Variants in CDH10 observed in about 807,000 individuals in gnomAD.
CDH10 encodes cadherin-10.
In CDH10, 30 loss-of-function variants were observed where a neutral mutation model predicts 73.1. That is an observed-to-expected ratio of 0.41 (90% CI 0.31 to 0.56). The LOEUF is 0.56. Among genes scored for constraint, CDH10 ranks in the 20% least tolerant of loss-of-function variants. The pLI is 0.27. For synonymous variants in CDH10, 345 were observed against 348.2 expected (o/e 0.99, Z 0.10); for missense variants, 815 against 973.7 (o/e 0.84, Z 2.17).
chr5:24,496,805 G>A (rs576460873), intron 9 of CDH10, among the ~76,000 whole-genome samples: 2 of 152,228 alleles, frequency 1.3e-5, no homozygotes, highest in South Asian at 4.1e-4. Flanking sequence ...TTACCACTTT[G>A]ATTTTGCCTG....
chr5:24,597,249 A>G (rs1579456799), intron 1 of CDH10, among the ~76,000 whole-genome samples: 1 of 152,012 alleles, frequency 6.6e-6, no homozygotes, highest in African/African-American at 2.4e-5. Flanking sequence ...TTAGATATCT[A>G]TGTTCTCATT....
At chr5:24,610,787 G>C (rs1746916134) in intron 1 of CDH10, among the ~76,000 whole-genome samples, 1 of 152,138 alleles carries the variant, frequency 6.6e-6, no homozygotes, top group South Asian at 2.1e-4. Context: ...GAAGAAGTTA[G>C]AAAAATGTAA....
At chr5:24,602,765 C>T (rs185920489) in intron 1 of CDH10, among the ~76,000 whole-genome samples, 41 of 152,102 alleles carry the variant, frequency 2.7e-4, no homozygotes, top group Admixed American at 2.6e-4. Context: ...GTAGTAGATG[C>T]TAGAGATAAG....
intron 11 of CDH10, among the ~76,000 whole-genome samples, chr5:24,491,302 C>G (rs539515305): frequency 2.6e-5 from 4 of 152,228 alleles, no homozygotes; most frequent in African/African-American, 9.6e-5. Context: ...TGGTGAAAGA[C>G]AGTTGTTGTT....
At chr5:24,563,193 T>A (rs10075038) in intron 2 of CDH10, among the ~76,000 whole-genome samples, 1 of 151,978 alleles carries the variant, frequency 6.6e-6, no homozygotes, top group African/African-American at 2.4e-5. Context: ...AAGATTTAGG[T>A]GACTGCAATA....
chr5:24,643,237 T>C (rs528066793), intron 1 of CDH10, among the ~76,000 whole-genome samples: 124 of 152,260 alleles, frequency 8.1e-4, no homozygotes, highest in Non-Finnish European at 1.5e-3. Context: ...TTCTAGGACA[T>C]AACCTCTTTC....
At chr5:24,571,406 T>C (rs916030894) in intron 2 of CDH10, among the ~76,000 whole-genome samples, 1 of 151,896 alleles carries the variant, frequency 6.6e-6, no homozygotes, top group African/African-American at 2.4e-5. Context: ...AGTAAGAAAA[T>C]GCCTCAGAGA....
At chr5:24,614,248 T>C (rs1483507549) in intron 1 of CDH10, among the ~76,000 whole-genome samples, 9 of 152,204 alleles carry the variant, frequency 5.9e-5, no homozygotes, top group Non-Finnish European at 1.2e-4. Context: ...TGAACATTTA[T>C]GAAGTAGAAA....
intron 2 of CDH10, among the ~76,000 whole-genome samples, chr5:24,560,364 CAACATGTA>C (rs1744916784): frequency 6.6e-6 from 1 of 151,938 alleles, no homozygotes; most frequent in Admixed American, 6.6e-5. Flanking sequence ...GGCACATGGC[CAACATGTA>C]ATTACAACTT....
chr5:24,528,845 C>T (rs1743627646), intron 5 of CDH10, among the ~76,000 whole-genome samples: 1 of 151,976 alleles, frequency 6.6e-6, no homozygotes, highest in Non-Finnish European at 1.5e-5. Context: ...GAAGCACAGG[C>T]TTAAAAGCCG....
intron 5 of CDH10, among the ~76,000 whole-genome samples, chr5:24,520,010 T>C (rs553320422): frequency 1.3e-5 from 2 of 152,294 alleles, no homozygotes; most frequent in South Asian, 4.1e-4. Flanking sequence ...TCACTTGGCC[T>C]CCCCTATTTC....
chr5:24,506,316 T>C (rs929900256), intron 7 of CDH10, among the ~76,000 whole-genome samples: 1 of 152,212 alleles, frequency 6.6e-6, no homozygotes, highest in African/African-American at 2.4e-5. Flanking sequence ...CTGGTTGATG[T>C]AGTTTAAATA....
intron 5 of CDH10, among the ~76,000 whole-genome samples, chr5:24,531,457 C>T (rs905581629): frequency 6.6e-6 from 1 of 152,010 alleles, no homozygotes; most frequent in Non-Finnish European, 1.5e-5. Flanking sequence ...TAAAGACATA[C>T]ACAAGACTGG....
chr5:24,628,946 A>G (rs1747607552), intron 1 of CDH10, among the ~76,000 whole-genome samples: 1 of 150,752 alleles, frequency 6.6e-6, no homozygotes, highest in Non-Finnish European at 1.5e-5. Flanking sequence ...TGATGATCCT[A>G]GTACTTTATT....
At chr5:24,595,782 C>G (rs766394608) in intron 1 of CDH10, among the ~76,000 whole-genome samples, 10 of 151,812 alleles carry the variant, frequency 6.6e-5, no homozygotes. Context: ...GTCAGCAATT[C>G]TATGATGCAT....
intron 2 of CDH10, among the ~76,000 whole-genome samples, chr5:24,547,609 A>C (rs1744390595): frequency 6.6e-6 from 1 of 152,322 alleles, no homozygotes; most frequent in East Asian, 1.9e-4. Flanking sequence ...GTAGGAGGCT[A>C]AAGGGCAAGG....
At chr5:24,564,929 G>C (rs551960624) in intron 2 of CDH10, among the ~76,000 whole-genome samples, 31 of 151,978 alleles carry the variant, frequency 2.0e-4, no homozygotes, top group Non-Finnish European at 4.4e-5. Context: ...CCTCTCACTG[G>C]GCCAGTCCAT....
At chr5:24,635,771 C>G (rs928551608) in intron 1 of CDH10, among the ~76,000 whole-genome samples, 1 of 151,796 alleles carries the variant, frequency 6.6e-6, no homozygotes, top group African/African-American at 2.4e-5. Context: ...GAGCCCTTTC[C>G]AATTACAATC....
At chr5:24,504,512 T>G (rs1168026818) in intron 8 of CDH10, among the ~76,000 whole-genome samples, 240 of 19,850 alleles carry the variant, frequency 0.012, 70 homozygotes, top group African/African-American at 0.042. Context: ...TAATCTTTTT[T>G]TTTTTTTTTT....
Sources: allele counts gnomAD v4.1 joint callset (sites outside exome capture counted in the v4.1 genomes callset), GRCh38; gene constraint gnomAD v4.1.1; transcripts MANE v1.5; gene names NCBI Gene and HGNC (gene_info 2026-07-23, HGNC 2026-07-21).